NAA35: variants seen among roughly 807,000 people sequenced by gnomAD.
NAA35 encodes N-alpha-acetyltransferase 35, NatC auxiliary subunit.
In NAA35, 18 loss-of-function variants were observed where a neutral mutation model predicts 101.7. The ratio of observed to expected loss-of-function variants is 0.18; its 90% CI spans 0.12 to 0.26. The LOEUF (loss-of-function observed/expected upper bound fraction) is 0.26. Ranked by LOEUF, NAA35 falls within the 10% of genes least tolerant of loss-of-function variation. NAA35 has a pLI of 1.00. For missense variants in NAA35, 601 were observed against 886.8 expected, an observed-to-expected ratio of 0.68 and a Z score of 4.09; for synonymous variants, 267 against 273.1, an observed-to-expected ratio of 0.98 and a Z score of 0.22.
intron 6 of NAA35, among the ~76,000 whole-genome samples, chr9:85,966,827 C>T (rs561588188): frequency 8.8e-4 from 134 of 152,282 alleles, no homozygotes; most frequent in African/African-American, 3.1e-3. Flanking sequence ...AATAATTAGG[C>T]CGGGCGCTGT....
chr9:85,951,773 G>A (rs904136377), intron 2 of NAA35, among the ~76,000 whole-genome samples: 2 of 152,140 alleles, frequency 1.3e-5, no homozygotes, highest in Non-Finnish European at 2.9e-5. Context: ...TCCTGCCTCA[G>A]CATCCTGAAT....
At position 85,943,225 on chromosome 9, in the gene NAA35, A is replaced by G. The variant is rs146342619; in HGVS notation, c.124+942A>G. 1.4e-4 allele frequency among the ~76,000 whole-genome samples: 22 copies of G among 152,288 alleles called. No individual in the cohort carries two copies. The South Asian group carries it at 4.3e-3, about 30-fold the overall frequency. ...GATAAGAGAAAGGAACAAATTAACT[A>G]GAGTGAGAGCTTGAACGTTAAAGAG... is the stretch of plus-strand genomic sequence containing the variant. On this transcript the variant is annotated intron_variant, in intron 2 of 22. Coordinates refer to ENST00000361671, the MANE Select transcript of NAA35 (RefSeq NM_024635.4).
intron 17 of NAA35, 132 bp downstream of exon 17, chr9:86,014,029 A>G: frequency 1.5e-6 from 1 of 658,392 alleles, no homozygotes; most frequent in Non-Finnish European, 2.4e-6. Flanking sequence ...GAAAAATTTG[A>G]AAATTAGAGC....
chr9:85,959,456 T>G (rs2117863815), intron 4 of NAA35, among the ~76,000 whole-genome samples: 1 of 152,080 alleles, frequency 6.6e-6, no homozygotes, highest in South Asian at 2.1e-4. Context: ...ATATTAATAC[T>G]TAAAGCTGGT....
Position 85,978,350 on chromosome 9 carries a change from C to T in NAA35, c.846C>T (p.Gly282=), listed in dbSNP as rs1281038298. Residue 282 remains glycine, a synonymous_variant, in exon 11 of 23, where the codon GGC becomes GGT. Transcript: ENST00000361671. ...CCATTCATAATTCATTGCATCATGG[C>T]ATCCAGGCCCAGAATGATACTACAA... ...LSAIHNSLHH[G]IQAQNDTTKG... 1 of 1,611,672 alleles carries T rather than the reference C, an allele frequency of 6.2e-7. No individual in the cohort carries two copies.
chr9:85,946,138 AT>A (rs938501580), intron 2 of NAA35, among the ~76,000 whole-genome samples: 2 of 149,896 alleles, frequency 1.3e-5, no homozygotes, highest in African/African-American at 4.9e-5. Context: ...AGTAAGTTAA[AT>A]TTTTTTTTTC....
In NAA35 at chr9:86,022,095, T is replaced by C. The variant is rs960971709; in HGVS notation, c.*135T>C. The C allele has an allele frequency of 4.6e-6, 3 of 649,060 alleles. No homozygotes were observed. The highest frequency in any genetic ancestry group is 7.9e-6 in the Non-Finnish European group (3 of 381,770). The allele number at this position is 649,060 out of a possible 1,614,324, so 40.2% of individuals were successfully genotyped here. A position where few individuals can be genotyped will look rare whatever the true frequency, so the allele number is the denominator to read the frequency against. On this transcript the variant is annotated 3_prime_UTR_variant, in exon 23 of 23. Coordinates refer to ENST00000361671, the MANE Select transcript of NAA35 (RefSeq NM_024635.4). ...TAACAACTCATTATAAGGAATACTT[T>C]TAGTTTGACAGCCTTATATGACATG...
chr9:85,978,351 A>G lies in NAA35; in HGVS notation c.847A>G (p.Ile283Val), dbSNP rs1294728639. 1 of 1,612,050 alleles carries G rather than the reference A, an allele frequency of 6.2e-7. No homozygotes were observed. The highest frequency in any genetic ancestry group is 1.3e-5 in the African/African-American group (1 of 74,862). Residue 283 changes from isoleucine to valine, a missense_variant, in exon 11 of 23, where the codon ATC becomes GTC. By Grantham distance (29) the Ile-to-Val change is conservative. Around this residue, in one of 8 missense-constraint regions of NAA35, gnomAD observed 190 missense variants for 223.1 expected, o/e 0.85. Coordinates refer to ENST00000361671, the MANE Select transcript of NAA35 (RefSeq NM_024635.4). ...SAIHNSLHHG[I>V]QAQNDTTKGD... ...CATTCATAATTCATTGCATCATGGCATCCAGGCCCAGAATGATACTACAAA... is the reference window on the plus strand; with the variant it reads ...CATTCATAATTCATTGCATCATGGCGTCCAGGCCCAGAATGATACTACAAA...
At position 86,003,502 on chromosome 9, in the gene NAA35, A is replaced by G. The variant is rs954369827; in HGVS notation, c.1057-83A>G. ...GTACTATGTCATTTCCAGAAGGTCT[A>G]GTAAAAATTACAGTCTGATGAAGTG... On this transcript the variant is annotated intron_variant, in intron 12 of 22. Transcript: ENST00000361671. 4 of 655,748 alleles carry G rather than the reference A, an allele frequency of 6.1e-6. No individual in the cohort carries two copies. The Admixed American group carries it at 1.1e-4, about 18-fold the overall frequency. The allele number at this position is 655,748 out of a possible 1,614,324, so 40.6% of individuals were successfully genotyped here. A position where few individuals can be genotyped will look rare whatever the true frequency, so the allele number is the denominator to read the frequency against.
chr9:85,988,718 C>A (rs376638260), intron 11 of NAA35, among the ~76,000 whole-genome samples: 123 of 151,974 alleles, frequency 8.1e-4, no homozygotes, highest in African/African-American at 2.9e-3. Context: ...ATCGCTTGAA[C>A]CTGGGAGGCG....
At chr9:86,006,627 C>T (rs1048738067) in intron 13 of NAA35, among the ~76,000 whole-genome samples, 2 of 152,170 alleles carry the variant, frequency 1.3e-5, no homozygotes, top group South Asian at 4.2e-4. Flanking sequence ...CAGTGCTTGC[C>T]AGGGGTTTGG....
At chr9:85,971,331 C>T (rs565527927) in intron 6 of NAA35, among the ~76,000 whole-genome samples, 3 of 152,254 alleles carry the variant, frequency 2.0e-5, no homozygotes, top group African/African-American at 4.8e-5. Context: ...TCGTTAGACC[C>T]GGTTGACACA....
At chr9:85,995,398 A>G (rs1831111628) in intron 11 of NAA35, among the ~76,000 whole-genome samples, 1 of 151,850 alleles carries the variant, frequency 6.6e-6, no homozygotes, top group South Asian at 2.1e-4. Flanking sequence ...TTTAGTTTGG[A>G]ATAATTTAAA....
chr9:85,941,344 G>A, intron 1 of NAA35, 71 bp downstream of exon 1: 1 of 985,586 alleles, frequency 1.0e-6, no homozygotes, highest in East Asian at 1.1e-4. Context: ...CCCCCCGCGC[G>A]TGTGGCAGAT....
In NAA35 at chr9:85,958,219, G is replaced by A. The variant is rs112743375; in HGVS notation, c.159-253G>A. Among the ~76,000 whole-genome samples the A allele has an allele frequency of 8.3e-3, 1,263 of 152,232 alleles. 22 individuals carry two copies. The highest frequency in any genetic ancestry group is 0.029 in the African/African-American group (1,216 of 41,522). ...GCCTCCCAAAGTGCTGGGATTACAG[G>A]TGTGAGCCACCACACCCGGCAGAAA... is the stretch of plus-strand genomic sequence containing the variant. On this transcript the variant is annotated intron_variant, in intron 3 of 22. Transcript: ENST00000361671.
chr9:85,984,207 T>C (rs898362427), intron 11 of NAA35, among the ~76,000 whole-genome samples: 2 of 152,052 alleles, frequency 1.3e-5, no homozygotes, highest in Non-Finnish European at 2.9e-5. Flanking sequence ...ATGTGCCTTG[T>C]AGTCCTAGCT....
At chr9:86,007,235 T>A in intron 13 of NAA35, 123 bp from the exon 14 acceptor site, 1 of 595,542 alleles carries the variant, frequency 1.7e-6, no homozygotes, top group Non-Finnish European at 2.8e-6. Flanking sequence ...TTATAAAAAA[T>A]TTTCACAAAC....
At position 85,952,708 on chromosome 9, in the gene NAA35, T is replaced by C. The variant is rs544346460; in HGVS notation, c.125-3652T>C. On this transcript the variant is annotated intron_variant, in intron 2 of 22. Transcript: ENST00000361671. ...TATACAAGGTTGAAACTGAATAAGA[T>C]TAATCAGGGCTGGTACTAGGGTGAA... 1.6e-4 allele frequency among the ~76,000 whole-genome samples: 24 copies of C among 152,250 alleles called. 1 individual carries two copies. Among genetic ancestry groups the C allele is most frequent in the Admixed American group, 9.2e-4 (14 of 15,280 alleles).
intron 14 of NAA35, among the ~76,000 whole-genome samples, chr9:86,009,539 T>C (rs574487721): frequency 1.3e-5 from 2 of 152,312 alleles, no homozygotes; most frequent in Admixed American, 6.5e-5. Context: ...AAATCAATTG[T>C]AGGGAAATAT....
Sources: allele counts gnomAD v4.1 joint callset (sites outside exome capture counted in the v4.1 genomes callset), GRCh38; gene constraint gnomAD v4.1.1; regional missense constraint gnomAD v4.1.1; transcripts MANE v1.5; gene names NCBI Gene and HGNC (gene_info 2026-07-23, HGNC 2026-07-21).